The following ALG1 variants were observed in gnomAD, a reference collection of about 807,000 sequenced individuals.
ALG1 encodes the protein ALG1 chitobiosyldiphosphodolichol beta-mannosyltransferase.
Under a neutral mutation model 55.1 loss-of-function variants are expected in ALG1, and 58 were observed. The ratio of observed to expected loss-of-function variants is 1.05; its 90% CI spans 0.85 to 1.31. ALG1 has a LOEUF of 1.31. Ranked by LOEUF, ALG1 falls within the 50% of genes most tolerant of loss-of-function variation. The pLI is 0.00. For synonymous variants in ALG1, 309 were observed against 247.0 expected, an observed-to-expected ratio of 1.25 and a Z score of -2.35; for missense variants, 761 against 598.6, an observed-to-expected ratio of 1.27 and a Z score of -2.83.
chr16:5,073,418 A>T (rs1956854490), intron 3 of ALG1, 162 bp downstream of exon 3: 4 of 680,512 alleles, frequency 5.9e-6, no homozygotes, highest in Middle Eastern at 3.9e-4. Context: ...TATGGCACCT[A>T]TCCATGCTCT....
In ALG1 at chr16:5,079,021, G is replaced by A. The variant is rs766941955; in HGVS notation, c.863-43G>A. On this transcript the variant is annotated intron_variant, in intron 7 of 12. Transcript: ENST00000262374. ...GGAGGGCCTGTGAGCTGGAAGAGGG[G>A]TGTCTAGAAACAGGCCCCTGACATT... 29 of 1,604,860 alleles carry A rather than the reference G, an allele frequency of 1.8e-5. No homozygotes were observed. The East Asian group carries it at 4.9e-4, about 27-fold the overall frequency.
intron 6 of ALG1, chr16:5,078,291 C>G (rs1956951668): frequency 3.0e-6 from 2 of 661,330 alleles, no homozygotes; most frequent in Non-Finnish European, 5.5e-6. Context: ...CTCTCTGGCC[C>G]TTTAAGAAAT....
At position 5,073,203 on chromosome 16, in the gene ALG1, T is replaced by G. The variant is rs1306488117; in HGVS notation, c.337T>G (p.Tyr113Asp). ...YGVKVVLQAM[Y>D]LLWKLMWREP... ...AGTCAAAGTTGTACTTCAGGCTATG[T>G]ACTTGCTGTGGAAGTTGATGTGGAG... The change falls in exon 3 of 13, where the codon TAC becomes GAC. Residue 113 changes from tyrosine to aspartate, a missense_variant. Physicochemically the swap from Tyr to Asp is radical, Grantham distance 160 (BLOSUM62 -3). Coordinates refer to ENST00000262374, the MANE Select transcript of ALG1 (RefSeq NM_019109.5). 6.2e-7 allele frequency: 1 copy of G among 1,614,240 alleles called. No individual in the cohort carries two copies. Among genetic ancestry groups the G allele is most frequent in the South Asian group, 1.1e-5 (1 of 91,090 alleles).
chr16:5,080,724 G>C (rs998760809), intron 9 of ALG1, among the ~76,000 whole-genome samples: 1 of 152,248 alleles, frequency 6.6e-6, no homozygotes, highest in Non-Finnish European at 1.5e-5. Flanking sequence ...CCAGCTGGCT[G>C]CAGGTGAAAG....
chr16:5,082,733 A>T (rs1596261507), intron 11 of ALG1, 60 bp downstream of exon 11: 1 of 1,596,102 alleles, frequency 6.3e-7, no homozygotes, highest in Non-Finnish European at 8.5e-7. Flanking sequence ...CTGAGGGGGA[A>T]GCAGTGCAGA....
intron 4 of ALG1, 31 bp downstream of exon 4, chr16:5,075,567 T>TC (rs1473489925): frequency 1.2e-6 from 2 of 1,612,846 alleles, no homozygotes; most frequent in Non-Finnish European, 1.7e-6. Context: ...TAAAATACCG[T>TC]CCCCTAAACC....
rs1567172251 is a variant in ALG1, at chr16:5,083,774, C to T, written c.1263+17C>T. The T allele has an allele frequency of 2.5e-6, 4 of 1,597,610 alleles. No individual in the cohort carries two copies. The highest frequency in any genetic ancestry group is 3.4e-6 in the Non-Finnish European group (4 of 1,179,786). On this transcript the variant is annotated intron_variant, in intron 12 of 12. Coordinates refer to ENST00000262374, the MANE Select transcript of ALG1 (RefSeq NM_019109.5). ...CAGCTGCAGGTAGCCACGTCTGCCA[C>T]CACGCCAGGGTGGGGAGGGTTCTGG...
At chr16:5,076,242 C>T (rs751320768) in intron 4 of ALG1, among the ~76,000 whole-genome samples, 3 of 152,224 alleles carry the variant, frequency 2.0e-5, no homozygotes, top group African/African-American at 4.8e-5. Flanking sequence ...CCAGCTGCTG[C>T]GTGTACTTCC....
chr16:5,078,965 C>T, intron 7 of ALG1, 87 bp downstream of exon 7: 1 of 1,595,314 alleles, frequency 6.3e-7, no homozygotes, highest in Non-Finnish European at 8.5e-7. Context: ...GTCCTGCATG[C>T]TCCCACCCTG....
At chr16:5,083,562 C>T (rs1957055042) in intron 11 of ALG1, 120 bp from the exon 12 acceptor site, 3 of 1,565,034 alleles carry the variant, frequency 1.9e-6, no homozygotes, top group Non-Finnish European at 1.7e-6. Context: ...GAAACCACAC[C>T]CCCTGTTCCA....
intron 6 of ALG1, chr16:5,078,502 G>C: frequency 1.4e-6 from 1 of 721,944 alleles, no homozygotes; most frequent in South Asian, 1.5e-5. Context: ...CTTGAGTCCA[G>C]GGGATGATAA....
rs1455146166 is a variant in ALG1, at chr16:5,071,906, G to A, written c.57G>A (p.Leu19=). The change falls in exon 1 of 13, where the codon CTG becomes CTA. Residue 19 remains leucine, a synonymous_variant. Coordinates refer to ENST00000262374, the MANE Select transcript of ALG1 (RefSeq NM_019109.5). ...TGTGTCTGCTGCTGCCGCTGCTGCT[G>A]CTGGGAGGATGGAAGCGCTGGCGCC... ...LALCLLLPLL[L]LGGWKRWRRG... is the part of the protein sequence containing the mutation. The A allele has an allele frequency of 6.3e-7, 1 of 1,599,602 alleles. No individual in the cohort carries two copies. The highest frequency in any genetic ancestry group is 1.7e-5 in the Admixed American group (1 of 58,128).
intron 2 of ALG1, 44 bp downstream of exon 2, chr16:5,073,072 G>C (rs780378064): frequency 6.2e-7 from 1 of 1,611,440 alleles, no homozygotes; most frequent in Non-Finnish European, 8.5e-7. Flanking sequence ...CCATGGGCTG[G>C]GGGCAGGGGG....
intron 11 of ALG1, among the ~76,000 whole-genome samples, chr16:5,082,906 G>T (rs1957041007): frequency 6.6e-6 from 1 of 152,134 alleles, no homozygotes; most frequent in Admixed American, 6.6e-5. Context: ...AGTAATCATG[G>T]TTTTTGCCAT....
intron 10 of ALG1, among the ~76,000 whole-genome samples, chr16:5,081,380 C>A (rs537250296): frequency 6.6e-6 from 1 of 152,226 alleles, no homozygotes; most frequent in Non-Finnish European, 1.5e-5. Flanking sequence ...TTGGGAGGTA[C>A]GGGGACGATG....
intron 4 of ALG1, among the ~76,000 whole-genome samples, chr16:5,076,515 G>A (rs1167826197): frequency 1.3e-5 from 2 of 152,244 alleles, no homozygotes; most frequent in African/African-American, 2.4e-5. Context: ...CTAAGTGTGA[G>A]GACCAAAATA....
chr16:5,085,556 T>A lies in ALG1; in HGVS notation c.*675T>A. On this transcript the variant is annotated 3_prime_UTR_variant, in exon 13 of 13. Transcript: ENST00000262374. ...ACATTCCAGTCCAATGAAAGTTTTA[T>A]CCGCTTTCCCATATAAAAATTCTTC... 1 of 1,104,808 alleles carries A rather than the reference T, an allele frequency of 9.1e-7. No individual in the cohort carries two copies. The highest frequency in any genetic ancestry group is 1.4e-6 in the Non-Finnish European group (1 of 717,676). 68.4% of individuals were successfully genotyped at this position (1,104,808 alleles called of 1,614,324 possible).
Position 5,084,879 on chromosome 16 carries a change from T to A in ALG1, c.1393T>A (p.Ter465LysextTer39). The change falls in exon 13 of 13, where the codon TAA becomes AAA. Residue 465 changes from the stop codon to lysine, a stop_lost. Transcript: ENST00000262374. ...QTVLPLVMDT[*>K] ...TGTGCTCCCTTTGGTTATGGACACA[T>A]AACTCCTGGGCCAGAGGCTAAAACC... 6.3e-7 allele frequency: 1 copy of A among 1,592,850 alleles called. No homozygotes were observed. The highest frequency in any genetic ancestry group is 1.1e-5 in the South Asian group (1 of 90,924).
Position 5,087,238 on chromosome 16 carries a change from A to C in ALG1, c.*2357A>C, listed in dbSNP as rs1345968226. The C allele has an allele frequency of 2.6e-5, 4 of 152,178 alleles. No homozygotes were observed. Among genetic ancestry groups the C allele is most frequent in the African/African-American group, 9.7e-5 (4 of 41,424 alleles). The allele number at this position is 152,178 out of a possible 1,614,324, so 9.4% of individuals were successfully genotyped here. A position where few individuals can be genotyped will look rare whatever the true frequency, so the allele number is the denominator to read the frequency against. On this transcript the variant is annotated 3_prime_UTR_variant, in exon 13 of 13. Transcript: ENST00000262374. ...CTAAAAGAAAAAAAATCACAAAAAA[A>C]CCTCGTACTGTTTGAAGAAAGTTTA...
Sources: gnomAD v4.1 joint callset for allele counts (sites outside exome capture counted in the v4.1 genomes callset) on GRCh38, gnomAD v4.1.1 for gene constraint, MANE v1.5 for transcripts, NCBI Gene and HGNC (gene_info 2026-07-23, HGNC 2026-07-21) for gene names.